Variants in ADAMTSL3 observed in about 807,000 individuals in gnomAD.
The protein encoded by ADAMTSL3 is ADAMTS-like protein 3.
A neutral mutation model predicts 201.7 loss-of-function variants in ADAMTSL3; 128 were observed. The ratio of observed to expected loss-of-function variants is 0.63; its 90% CI spans 0.55 to 0.73. The LOEUF is 0.73. Ranked by LOEUF, ADAMTSL3 falls within the 30% of genes least tolerant of loss-of-function variation. The pLI is 0.00. For synonymous variants in ADAMTSL3, 738 were observed against 748.4 expected (o/e 0.99, Z 0.23); for missense variants, 1,990 against 2,119.6 (o/e 0.94, Z 1.20).
chr15:83,903,933 A>AG (rs1567226051), intron 15 of ADAMTSL3, among the ~76,000 whole-genome samples: 1 of 24,486 alleles, frequency 4.1e-5, no homozygotes, highest in African/African-American at 4.1e-4. Context: ...AAAAAAAAAA[A>AG]AAAAAAAAAA....
intron 13 of ADAMTSL3, among the ~76,000 whole-genome samples, chr15:83,896,038 C>T (rs922529967): frequency 6.6e-6 from 1 of 152,168 alleles, no homozygotes; most frequent in Non-Finnish European, 1.5e-5. Flanking sequence ...AAATAATTTT[C>T]AAGCTCCTTA....
intron 19 of ADAMTSL3, among the ~76,000 whole-genome samples, chr15:83,946,123 T>G (rs1469067338): frequency 6.6e-6 from 1 of 152,230 alleles, no homozygotes; most frequent in African/African-American, 2.4e-5. Context: ...TACCCCACTT[T>G]GCTTCTGTCC....
chr15:83,658,839 T>A (rs1278613762), intron 2 of ADAMTSL3, among the ~76,000 whole-genome samples: 1 of 152,276 alleles, frequency 6.6e-6, no homozygotes, highest in African/African-American at 2.4e-5. Flanking sequence ...CTGTGTTGAC[T>A]GTGCCCTGAA....
intron 19 of ADAMTSL3, among the ~76,000 whole-genome samples, chr15:83,950,510 A>T (rs1439191017): frequency 6.6e-6 from 1 of 151,888 alleles, no homozygotes; most frequent in African/African-American, 2.4e-5. Context: ...TGTTCTTTAT[A>T]AATTTTAGGA....
intron 2 of ADAMTSL3, among the ~76,000 whole-genome samples, chr15:83,688,765 C>T (rs1246132707): frequency 6.6e-6 from 1 of 151,526 alleles, no homozygotes; most frequent in Non-Finnish European, 1.5e-5. Context: ...TACACACACA[C>T]ACACACACAC....
At chr15:83,767,156 T>C (rs945640012) in intron 3 of ADAMTSL3, among the ~76,000 whole-genome samples, 5 of 152,172 alleles carry the variant, frequency 3.3e-5, no homozygotes, top group Non-Finnish European at 5.9e-5. Flanking sequence ...AAAGCCACAG[T>C]TGTTCACCTG....
At chr15:83,790,829 C>T (rs1199457951) in intron 4 of ADAMTSL3, among the ~76,000 whole-genome samples, 2 of 152,110 alleles carry the variant, frequency 1.3e-5, no homozygotes, top group South Asian at 2.1e-4. Flanking sequence ...AATAAAAATA[C>T]AGAAATCAAT....
chr15:84,012,540 T>C (rs1023459947), intron 23 of ADAMTSL3, among the ~76,000 whole-genome samples: 3 of 152,194 alleles, frequency 2.0e-5, no homozygotes, highest in African/African-American at 7.2e-5. Context: ...ACTTTCTCTT[T>C]CTCCATATGT....
chr15:83,827,342 CT>C (rs1433369269), intron 6 of ADAMTSL3, among the ~76,000 whole-genome samples: 1 of 152,166 alleles, frequency 6.6e-6, no homozygotes, highest in East Asian at 1.9e-4. Flanking sequence ...CCTTTGCCCA[CT>C]TTTTGACTGG....
chr15:83,998,384 G>T (rs2141853132), intron 23 of ADAMTSL3, among the ~76,000 whole-genome samples: 1 of 152,306 alleles, frequency 6.6e-6, no homozygotes, highest in African/African-American at 2.4e-5. Flanking sequence ...GAGAGGCGGA[G>T]GTTGCAGTGA....
At position 84,038,022 on chromosome 15, in the gene ADAMTSL3, G is replaced by C; in HGVS notation, c.*216G>C. ...TTTTTAAAATGATGTATTCAAGGAT[G>C]AACAAAATACTATAGCATGCATGCC... On this transcript the variant is annotated 3_prime_UTR_variant, in exon 30 of 30. Coordinates refer to ENST00000286744, the MANE Select transcript of ADAMTSL3 (RefSeq NM_207517.3). 1 of 656,386 alleles carries C rather than the reference G, an allele frequency of 1.5e-6. No homozygotes were observed. The highest frequency in any genetic ancestry group is 3.0e-5 in the East Asian group (1 of 33,712). 40.7% of individuals were successfully genotyped at this position (656,386 alleles called of 1,614,324 possible). A position where few individuals can be genotyped will look rare whatever the true frequency, so the allele number is the denominator to read the frequency against.
At chr15:83,970,683 T>G (rs775440933) in intron 20 of ADAMTSL3, 46 bp downstream of exon 20, 6 of 1,603,242 alleles carry the variant, frequency 3.7e-6, no homozygotes, top group Non-Finnish European at 5.1e-6. Flanking sequence ...CTGATTCTGT[T>G]CATTTTGTCC....
At chr15:83,978,236 A>C (rs940021140) in intron 20 of ADAMTSL3, among the ~76,000 whole-genome samples, 6 of 152,372 alleles carry the variant, frequency 3.9e-5, no homozygotes, top group African/African-American at 1.4e-4. Context: ...CCAGTAAGCA[A>C]GGAGCTGAGG....
At position 84,039,194 on chromosome 15, in the gene ADAMTSL3, C is replaced by CT. The variant is rs1411981627; in HGVS notation, c.*1389dup. The CT allele has an allele frequency of 6.6e-6, 1 of 152,648 alleles. No individual in the cohort carries two copies. Among genetic ancestry groups the CT allele is most frequent in the Non-Finnish European group, 1.5e-5 (1 of 68,076 alleles). The allele number at this position is 152,648 out of a possible 1,614,324, so 9.5% of individuals were successfully genotyped here. A position where few individuals can be genotyped will look rare whatever the true frequency, so the allele number is the denominator to read the frequency against. On this transcript the variant is annotated 3_prime_UTR_variant, in exon 30 of 30. Transcript: ENST00000286744. ...CTTCTTTATTCAGGGTCTCAGCTGCCTGTACACCTGCTGCCTACATCTTCT... is the reference window on the plus strand; with the variant it reads ...CTTCTTTATTCAGGGTCTCAGCTGCCTTGTACACCTGCTGCCTACATCTTCT...
intron 6 of ADAMTSL3, among the ~76,000 whole-genome samples, chr15:83,830,106 A>G (rs561606837): frequency 6.6e-6 from 1 of 152,192 alleles, no homozygotes; most frequent in Non-Finnish European, 1.5e-5. Flanking sequence ...ATGATTAAGT[A>G]GATAGATAGT....
At chr15:83,693,639 A>G (rs2554382) in intron 2 of ADAMTSL3, among the ~76,000 whole-genome samples, 42,376 of 152,090 alleles carry the variant, frequency 0.28, 6,117 homozygotes, top group South Asian at 0.49. Flanking sequence ...TGAACACTCT[A>G]TTTAAAGCTG....
At chr15:83,849,241 C>T (rs1296648593) in intron 7 of ADAMTSL3, among the ~76,000 whole-genome samples, 1 of 152,186 alleles carries the variant, frequency 6.6e-6, no homozygotes, top group African/African-American at 2.4e-5. Context: ...ATCCTCCTGC[C>T]TCAGCCTCTT....
chr15:83,898,871 A>G (rs2065668945), intron 14 of ADAMTSL3, among the ~76,000 whole-genome samples: 1 of 152,168 alleles, frequency 6.6e-6, no homozygotes, highest in Non-Finnish European at 1.5e-5. Context: ...TAGCCATTCA[A>G]TAAATATTTT....
chr15:83,926,905 C>T (rs1473772707), intron 17 of ADAMTSL3, among the ~76,000 whole-genome samples: 1 of 152,170 alleles, frequency 6.6e-6, no homozygotes, highest in Non-Finnish European at 1.5e-5. Flanking sequence ...GCATAAGCCA[C>T]CGCACCTGGC....
Sources: gnomAD v4.1 joint callset for allele counts (sites outside exome capture counted in the v4.1 genomes callset) on GRCh38, gnomAD v4.1.1 for gene constraint, MANE v1.5 for transcripts, NCBI Gene and HGNC (gene_info 2026-07-23, HGNC 2026-07-21) for gene names.